EYS: variants seen among roughly 807,000 people sequenced by gnomAD.
EYS encodes EGF-like photoreceptor maintenance factor.
Under a neutral mutation model 282.1 loss-of-function variants are expected in EYS, and 250 were observed. The ratio of observed to expected loss-of-function variants is 0.89; its 90% confidence interval spans 0.80 to 0.98. The LOEUF (loss-of-function observed/expected upper bound fraction) is 0.98. Ranked by LOEUF, EYS falls within the 50% of genes least tolerant of loss-of-function variation. The probability of loss-of-function intolerance (pLI) is 0.00; values close to 1 mark genes in which losing one functional copy is unlikely to be tolerated. For missense variants in EYS, 4,016 were observed against 3,709.0 expected, an observed-to-expected ratio of 1.08 and a Z score of -2.15; for synonymous variants, 1,355 against 1,282.9, an observed-to-expected ratio of 1.06 and a Z score of -1.20.
intron 32 of EYS, among the ~76,000 whole-genome samples, chr6:64,072,446 A>G (rs1771617338): frequency 6.6e-6 from 1 of 150,936 alleles, no homozygotes; most frequent in South Asian, 2.1e-4. Context: ...TATTCAGCTG[A>G]TCAGGCTGCT....
intron 9 of EYS, among the ~76,000 whole-genome samples, chr6:65,345,638 T>C (rs1045785587): frequency 6.6e-6 from 1 of 151,942 alleles, no homozygotes; most frequent in Admixed American, 6.6e-5. Flanking sequence ...ATCCATTTCA[T>C]TTAAATTGTC....
At chr6:65,075,552 A>G (rs1365604555) in intron 12 of EYS, among the ~76,000 whole-genome samples, 1 of 152,024 alleles carries the variant, frequency 6.6e-6, no homozygotes, top group East Asian at 1.9e-4. Context: ...AGTTCGGGTT[A>G]AAGTTTTAGA....
intron 31 of EYS, among the ~76,000 whole-genome samples, chr6:64,133,476 T>TCACACACACACACACACA (rs61088369): frequency 7.0e-6 from 1 of 142,354 alleles, no homozygotes; most frequent in Non-Finnish European, 1.6e-5. Flanking sequence ...TTGCATTACT[T>TCACACACACACACACACA]CACACACACA....
chr6:65,232,782 A>C (rs772344944), intron 12 of EYS, among the ~76,000 whole-genome samples: 1 of 152,148 alleles, frequency 6.6e-6, no homozygotes, highest in Non-Finnish European at 1.5e-5. Context: ...GAACTTCAAC[A>C]TATGAATTTG....
chr6:64,278,991 C>A (rs996960303), intron 30 of EYS, among the ~76,000 whole-genome samples: 1 of 152,096 alleles, frequency 6.6e-6, no homozygotes, highest in African/African-American at 2.4e-5. Context: ...TGGGCTCTTG[C>A]AATCCTCCCA....
At chr6:64,926,606 A>G (rs936070768) in intron 15 of EYS, among the ~76,000 whole-genome samples, 3 of 152,126 alleles carry the variant, frequency 2.0e-5, no homozygotes, top group Non-Finnish European at 4.4e-5. Context: ...TTTCTGCTGG[A>G]GCCTGCCACA....
intron 19 of EYS, among the ~76,000 whole-genome samples, chr6:64,877,838 T>A (rs1766797030): frequency 6.6e-6 from 1 of 152,074 alleles, no homozygotes; most frequent in Non-Finnish European, 1.5e-5. Flanking sequence ...AAAAACAAAA[T>A]GAGGAAAAGG....
chr6:64,067,871 A>G (rs148422229), intron 32 of EYS, among the ~76,000 whole-genome samples: 12 of 152,278 alleles, frequency 7.9e-5, no homozygotes, highest in Middle Eastern at 3.4e-3. Flanking sequence ...CCATTAAGTT[A>G]ATATTTAAAA....
At chr6:65,278,057 C>CTTTTCTTTTCTTTTCTTTTCTTT (rs1562067588) in intron 12 of EYS, among the ~76,000 whole-genome samples, 13 of 145,010 alleles carry the variant, frequency 9.0e-5, no homozygotes, top group African/African-American at 3.1e-4. Flanking sequence ...CTTTTCTTTT[C>CTTTTCTTTTCTTTTCTTTTCTTT]TTTTTTTCTG....
rs1040712 is a variant in EYS at position 64,970,210 on chromosome 6, A to G, written c.2260-24296T>C. 1.6e-3 allele frequency among the ~76,000 whole-genome samples: 239 copies of G among 152,320 alleles called. 2 individuals carry two copies. Among genetic ancestry groups the G allele is most frequent in the African/African-American group, 5.7e-3 (236 of 41,578 alleles). On this transcript the variant is annotated intron_variant, in intron 14 of 42. Coordinates refer to ENST00000503581, the MANE Select transcript of EYS (RefSeq NM_001142800.2). ...AATGCATAAAGTGTATGTAGATACT[A>G]GTTTATCGTATTATTCACTACCATA...
At chr6:64,023,311 A>G (rs1769280672) in intron 33 of EYS, among the ~76,000 whole-genome samples, 2 of 152,226 alleles carry the variant, frequency 1.3e-5, no homozygotes, top group Admixed American at 6.5e-5. Context: ...GAACATTGAC[A>G]TATAAGTATC....
chr6:65,164,779 C>G (rs1342739475), intron 12 of EYS, among the ~76,000 whole-genome samples: 3 of 151,148 alleles, frequency 2.0e-5, no homozygotes, highest in African/African-American at 7.3e-5. Context: ...TCACGGTTCT[C>G]CTAGCTTCTG....
At chr6:64,305,784 A>C (rs1178644067) in intron 30 of EYS, among the ~76,000 whole-genome samples, 4 of 152,208 alleles carry the variant, frequency 2.6e-5, no homozygotes, top group Non-Finnish European at 5.9e-5. Flanking sequence ...TTAGTAGAAA[A>C]CATAGGGAAA....
intron 22 of EYS, among the ~76,000 whole-genome samples, chr6:64,667,459 G>T (rs964833134): frequency 1.3e-4 from 19 of 151,344 alleles, no homozygotes; most frequent in African/African-American, 4.6e-4. Flanking sequence ...ATGGATTGCT[G>T]GGAAGGACAT....
At chr6:64,003,154 G>A (rs1768179496) in intron 33 of EYS, among the ~76,000 whole-genome samples, 2 of 152,170 alleles carry the variant, frequency 1.3e-5, no homozygotes, top group African/African-American at 4.8e-5. Context: ...CCTGTCATTT[G>A]CAACAACATG....
intron 36 of EYS, among the ~76,000 whole-genome samples, chr6:63,840,246 A>T (rs1439886662): frequency 1.1e-5 from 1 of 87,704 alleles, no homozygotes; most frequent in Non-Finnish European, 2.6e-5. Context: ...TTGTATTTTT[A>T]GTAGAGACAG....
At position 64,591,341 on chromosome 6, in the gene EYS, T is replaced by C. The variant is rs531187735; in HGVS notation, c.4526A>G (p.Asn1509Ser). Residue 1509 changes from asparagine to serine, a missense_variant, in exon 26 of 43, where the codon AAC becomes AGC. Asn to Ser is a conservative substitution (Grantham distance 46, BLOSUM62 1). Transcript: ENST00000503581. ...ACTGAACCGGTGCAGAGCTGATGAG[T>C]TTAAGATGGTTACCTGTTTAGATAT... ...VIISKQVTIL[N>S]SSALHRFSTK... The C allele has an allele frequency of 4.6e-5, 71 of 1,551,130 alleles. No homozygotes were observed. The South Asian group carries it at 7.7e-4, about 17-fold the overall frequency.
intron 35 of EYS, among the ~76,000 whole-genome samples, chr6:63,924,158 T>C (rs747567781): frequency 3.5e-4 from 53 of 152,232 alleles, no homozygotes; most frequent in Non-Finnish European, 1.2e-4. Flanking sequence ...AAAAGTTGTA[T>C]AGCTACTTCT....
rs192960344 is a variant in EYS at position 64,961,787 on chromosome 6, C to A, written c.2260-15873G>T. Among the ~76,000 whole-genome samples the A allele has an allele frequency of 2.4e-3, 365 of 152,098 alleles. 3 individuals are homozygous for A. Among genetic ancestry groups the A allele is most frequent in the Non-Finnish European group, 3.8e-3 (258 of 67,980 alleles). ...GTTGCAATTCAGCTTCTGTTTTGAGCCCTTATGCTATTAGGCAATTTACTT... is the reference window on the plus strand; with the variant it reads ...GTTGCAATTCAGCTTCTGTTTTGAGACCTTATGCTATTAGGCAATTTACTT... On this transcript the variant is annotated intron_variant, in intron 14 of 42. Coordinates refer to ENST00000503581, the MANE Select transcript of EYS (RefSeq NM_001142800.2).
Sources: gnomAD v4.1 joint callset for allele counts (sites outside exome capture counted in the v4.1 genomes callset) on GRCh38, gnomAD v4.1.1 for gene constraint, MANE v1.5 for transcripts, NCBI Gene and HGNC (gene_info 2026-07-23, HGNC 2026-07-21) for gene names.